Variants in C2CD2L observed in about 807,000 individuals in gnomAD.
C2CD2L encodes C2CD2 like.
In C2CD2L, 24 loss-of-function variants were observed where a neutral mutation model predicts 69.9. The observed-to-expected ratio is 0.34, with a 90% CI of 0.25 to 0.48. The LOEUF is 0.48. Among genes scored for constraint, C2CD2L ranks in the 20% least tolerant of loss-of-function variants. C2CD2L has a pLI of 0.99. For missense variants in C2CD2L, 811 were observed against 941.5 expected (o/e 0.86, Z 1.81); for synonymous variants, 367 against 391.0 (o/e 0.94, Z 0.72).
chr11:119,112,362 A>G lies in C2CD2L; in HGVS notation c.1054A>G (p.Lys352Glu). ...CCCCCAGAGCCGGGAGCTGACCCTC[A>G]AAGTGCTGAGGAGCAGCAGCTGTGG... ...LGPQSRELTLKVLRSSSCGDT... is the reference protein window; with the variant it reads ...LGPQSRELTLEVLRSSSCGDT... Residue 352 changes from lysine (K) to glutamate (E), a missense_variant, in exon 8 of 14, where the codon AAA becomes GAA. By Grantham distance (56) the Lys-to-Glu change is moderately conservative. Transcript: ENST00000648610. 1 of 1,613,516 alleles carries G rather than the reference A, an allele frequency of 6.2e-7. No homozygotes were observed. The highest frequency in any genetic ancestry group is 8.5e-7 in the Non-Finnish European group (1 of 1,179,872).
rs745691621 is a variant in C2CD2L, at chr11:119,114,189, C to T, written c.1733C>T (p.Ser578Leu). The T allele has an allele frequency of 2.5e-6, 4 of 1,614,170 alleles. No homozygotes were observed. The highest frequency in any genetic ancestry group is 3.3e-5 in the Admixed American group (2 of 60,028). The change falls in exon 13 of 14, where the codon TCA becomes TTA. Residue 578 changes from serine (S) to leucine (L), a missense_variant. Transcript: ENST00000648610. This position sits in a 1 kb window ranked among gnomAD's most constrained non-coding sequence, Gnocchi z 5.1. ...GTSGGPSSPP[S>L]DPPAMSPGPL... ...AGCGGAGGCCCCTCTTCACCTCCCTCAGACCCACCAGCCATGTCTCCAGGA... is the reference window on the plus strand; with the variant it reads ...AGCGGAGGCCCCTCTTCACCTCCCTTAGACCCACCAGCCATGTCTCCAGGA...
rs767201304 is a variant in C2CD2L at position 119,108,022 on chromosome 11, C to T, written c.281C>T (p.Ala94Val). Residue 94 changes from alanine (A) to valine (V), a missense_variant, in exon 1 of 14, where the codon GCC becomes GTC. Physicochemically the swap from Ala to Val is moderately conservative, Grantham distance 64. Coordinates refer to ENST00000648610, the MANE Select transcript of C2CD2L (RefSeq NM_001290474.2). The stretch of plus-strand genomic sequence containing the variant: ...CGGGGCCTCCTGGCGTCACTCTTCG[C>T]CTTCAAGTCTTTCCGGGAGAACTGG... ...GVRGLLASLF[A>V]FKSFRENWQR... 1 of 1,599,284 alleles carries T rather than the reference C, an allele frequency of 6.3e-7. No homozygotes were observed. Among genetic ancestry groups the T allele is most frequent in the Non-Finnish European group, 8.5e-7 (1 of 1,174,312 alleles).
At chr11:119,102,967 G>A (rs568732032), upstream of C2CD2L, among the ~76,000 whole-genome samples, 7 of 141,676 alleles carry the variant, frequency 4.9e-5, no homozygotes, top group East Asian at 1.1e-3. Context: ...CCACCTCCCA[G>A]GTTCAAGAGA....
intron 10 of C2CD2L, 181 bp from the exon 11 acceptor site, chr11:119,113,430 C>A: frequency 1.2e-6 from 1 of 845,534 alleles, no homozygotes. Flanking sequence ...TCCTACACTC[C>A]CATTAGCTCC....
Position 119,116,264 on chromosome 11 carries a change from G to A in C2CD2L, c.*8G>A. 6.2e-7 allele frequency: 1 copy of A among 1,603,442 alleles called. No homozygotes were observed. The highest frequency in any genetic ancestry group is 8.5e-7 in the Non-Finnish European group (1 of 1,170,404). On this transcript the variant is annotated 3_prime_UTR_variant, in exon 14 of 14. Coordinates refer to ENST00000648610, the MANE Select transcript of C2CD2L (RefSeq NM_001290474.2). ...CCCAGCCCCCAGCTCTGAGGACCCAGCTCTGAAAGGGCACGAGTTCTCTCA... is the reference window on the plus strand; with the variant it reads ...CCCAGCCCCCAGCTCTGAGGACCCAACTCTGAAAGGGCACGAGTTCTCTCA...
In C2CD2L at chr11:119,114,647, T is replaced by A; in HGVS notation, c.1909+282T>A. 2.4e-6 allele frequency: 1 copy of A among 425,106 alleles called. No homozygotes were observed. 26.3% of individuals were successfully genotyped at this position (425,106 alleles called of 1,614,324 possible). Reference sequence around the variant, plus strand: ...ATTTTTCCTGCCCTTTAAAAAAAAATTATAAAAATTTATTCCTAGGCAGGG... The same window carrying A: ...ATTTTTCCTGCCCTTTAAAAAAAAAATATAAAAATTTATTCCTAGGCAGGG... On this transcript the variant is annotated intron_variant, in intron 13 of 13. Transcript: ENST00000648610. The surrounding 1 kb of genome is among the most constrained non-coding windows in gnomAD (Gnocchi z 5.1).
At position 119,118,090 on chromosome 11, in the gene C2CD2L, A is replaced by G. The variant is rs529737524; in HGVS notation, c.*1834A>G. The G allele has an allele frequency of 6.6e-6, 1 of 152,000 alleles. No homozygotes were observed. The highest frequency in any genetic ancestry group is 6.5e-5 in the Admixed American group (1 of 15,270). The allele number at this position is 152,000 out of a possible 1,614,324, so 9.4% of individuals were successfully genotyped here. A position where few individuals can be genotyped will look rare whatever the true frequency, so the allele number is the denominator to read the frequency against. On this transcript the variant is annotated 3_prime_UTR_variant, in exon 14 of 14. Coordinates refer to ENST00000648610, the MANE Select transcript of C2CD2L (RefSeq NM_001290474.2). ...GGTATAGATTTTTTTTTTCAATTAG[A>G]TAATTTAGTTTTATATATTTGGGGG...
In C2CD2L at chr11:119,108,079, A is replaced by G. The variant is rs1946637462; in HGVS notation, c.338A>G (p.Gln113Arg). 1 of 1,595,722 alleles carries G rather than the reference A, an allele frequency of 6.3e-7. No homozygotes were observed. Among genetic ancestry groups the G allele is most frequent in the African/African-American group, 1.4e-5 (1 of 72,468 alleles). The change falls in exon 1 of 14, where the codon CAG becomes CGG. Residue 113 changes from glutamine to arginine, a missense_variant. By Grantham distance (43) the Gln-to-Arg change is conservative (BLOSUM62 1). Coordinates refer to ENST00000648610, the MANE Select transcript of C2CD2L (RefSeq NM_001290474.2). Reference sequence around the variant, plus strand: ...GCTTGGGTGCGAGCGCTGAACGAGCAGGCCTGCAGAAACGGGGTGAGTTGG... The same window carrying G: ...GCTTGGGTGCGAGCGCTGAACGAGCGGGCCTGCAGAAACGGGGTGAGTTGG... The part of the protein sequence containing the change: ...QRAWVRALNE[Q>R]ACRNGSSIQI...
chr11:119,108,111 C>T lies in C2CD2L; in HGVS notation c.354+16C>T. On this transcript the variant is annotated intron_variant, in intron 1 of 13. Coordinates refer to ENST00000648610, the MANE Select transcript of C2CD2L (RefSeq NM_001290474.2). ...CAGAAACGGGGTGAGTTGGACCAAG[C>T]GCTTGGGTGGTCCCTTCAGCCTTTC... The T allele has an allele frequency of 6.5e-7, 1 of 1,547,526 alleles. No individual in the cohort carries two copies.
Position 119,116,100 on chromosome 11 carries a change from G to A in C2CD2L, c.1965G>A (p.Lys655=). The change falls in exon 14 of 14, where the codon AAG becomes AAA. Residue 655 remains lysine (K), a synonymous_variant. Transcript: ENST00000648610. The part of the protein sequence containing the change: ...KLIFRRRPRQ[K]EAGLSQSHDD... ...TCTTCCGCCGGAGGCCTAGGCAGAA[G>A]GAAGCTGGCCTGAGCCAATCACACG... is the stretch of plus-strand genomic sequence containing the variant. 6.2e-7 allele frequency: 1 copy of A among 1,614,192 alleles called. No homozygotes were observed. The highest frequency in any genetic ancestry group is 8.5e-7 in the Non-Finnish European group (1 of 1,180,044).
chr11:119,115,906 T>A, intron 13 of C2CD2L, 139 bp from the exon 14 acceptor site: 1 of 646,764 alleles, frequency 1.5e-6, no homozygotes, highest in Non-Finnish European at 2.7e-6. Context: ...CTGCTTTCTT[T>A]CCTGAGGAAG....
upstream of C2CD2L, among the ~76,000 whole-genome samples, chr11:119,105,950 C>T (rs193056708): frequency 5.1e-4 from 78 of 152,366 alleles, no homozygotes; most frequent in East Asian, 8.1e-3. Flanking sequence ...CCTCCTGCAT[C>T]CCTGGTTCTG....
Position 119,116,235 on chromosome 11 carries a change from T to TAACC in C2CD2L, c.2101_2104dup (p.Pro702GlnfsTer12). 6.2e-7 allele frequency: 1 copy of TAACC among 1,614,100 alleles called. No homozygotes were observed. The highest frequency in any genetic ancestry group is 8.5e-7 in the Non-Finnish European group (1 of 1,179,950). On this transcript the variant is annotated frameshift_variant, in exon 14 of 14. Coordinates refer to ENST00000648610, the MANE Select transcript of C2CD2L (RefSeq NM_001290474.2). LOFTEE classifies it high-confidence loss of function. Reference sequence around the variant, plus strand: ...TCAAATCCAAACCCAAGGCCAATGGTAACCCCAGCCCCCAGCTCTGAGGAC... The same window carrying TAACC: ...TCAAATCCAAACCCAAGGCCAATGGTAACCAACCCCAGCCCCCAGCTCTGAGGAC...
intron 10 of C2CD2L, 109 bp downstream of exon 10, chr11:119,112,983 TCA>T (rs1946791524): frequency 1.1e-6 from 1 of 875,338 alleles, no homozygotes. Context: ...CCCCCTGTTT[TCA>T]GACATTCCAT....
chr11:119,105,781 A>T (rs2134928948), upstream of C2CD2L, among the ~76,000 whole-genome samples: 1 of 152,328 alleles, frequency 6.6e-6, no homozygotes, highest in South Asian at 2.1e-4. Flanking sequence ...AGTTGAGGGA[A>T]TAAATCAAAG....
chr11:119,116,380 C>T lies in C2CD2L; in HGVS notation c.*124C>T. The T allele has an allele frequency of 1.3e-6, 1 of 777,924 alleles. No individual in the cohort carries two copies. Among genetic ancestry groups the T allele is most frequent in the Non-Finnish European group, 2.1e-6 (1 of 481,794 alleles). 48.2% of individuals were successfully genotyped at this position (777,924 alleles called of 1,614,324 possible). A position where few individuals can be genotyped will look rare whatever the true frequency, so the allele number is the denominator to read the frequency against. ...TCTGGGTTCCGGGAAGCCCCGTCCA[C>T]CCTGGGCCATGGGGCCGGTTGGAAG... On this transcript the variant is annotated 3_prime_UTR_variant, in exon 14 of 14. Coordinates refer to ENST00000648610, the MANE Select transcript of C2CD2L (RefSeq NM_001290474.2).
chr11:119,103,438 T>A (rs1416135270), upstream of C2CD2L, among the ~76,000 whole-genome samples: 2 of 152,204 alleles, frequency 1.3e-5, no homozygotes, highest in Non-Finnish European at 2.9e-5. Context: ...GGCTAACGTC[T>A]GTAATCCCAG....
At position 119,116,234 on chromosome 11, in the gene C2CD2L, G is replaced by A; in HGVS notation, c.2099G>A (p.Gly700Asp). 1 of 1,614,134 alleles carries A rather than the reference G, an allele frequency of 6.2e-7. No individual in the cohort carries two copies. The change falls in exon 14 of 14, where the codon GGT becomes GAT. Residue 700 changes from glycine (G) to aspartate (D), a missense_variant. Transcript: ENST00000648610. The stretch of plus-strand genomic sequence containing the variant: ...TTCAAATCCAAACCCAAGGCCAATG[G>A]TAACCCCAGCCCCCAGCTCTGAGGA... Reference protein sequence around the residue: ...FSFKSKPKANGNPSPQL With the variant: ...FSFKSKPKANDNPSPQL
At chr11:119,106,947 G>A (rs181444764), upstream of C2CD2L, 1 of 152,354 alleles carries the variant, frequency 6.6e-6, no homozygotes, top group East Asian at 1.9e-4. Flanking sequence ...GGGACGCTCT[G>A]CGTCTCCTTA....
Sources: gnomAD v4.1 joint callset for allele counts (sites outside exome capture counted in the v4.1 genomes callset) on GRCh38, gnomAD v4.1.1 for gene constraint, Gnocchi (gnomAD v3.1) non-coding constraint, MANE v1.5 for transcripts, NCBI Gene and HGNC (gene_info 2026-07-23, HGNC 2026-07-21) for gene names.